The following ZBTB7C variants were observed in gnomAD, a reference collection of about 807,000 sequenced individuals.
ZBTB7C encodes the protein zinc finger and BTB domain-containing protein 7C.
In ZBTB7C, 8 loss-of-function variants were observed where a neutral mutation model predicts 25.7. That is an observed-to-expected ratio of 0.31 (90% confidence interval 0.18 to 0.56). ZBTB7C has a LOEUF of 0.56. ZBTB7C is among the 20% of genes least tolerant of loss of function. The pLI is 0.91. For synonymous variants in ZBTB7C, 394 were observed against 369.0 expected (o/e 1.07, Z -0.78); for missense variants, 824 against 855.2 (o/e 0.96, Z 0.46).
intron 1 of ZBTB7C, among the ~76,000 whole-genome samples, chr18:48,348,403 A>G (rs1380338571): frequency 6.6e-6 from 1 of 152,222 alleles, no homozygotes; most frequent in African/African-American, 2.4e-5. Context: ...CACCTACCTC[A>G]TTCCAAAGTG....
intron 2 of ZBTB7C, among the ~76,000 whole-genome samples, chr18:48,229,703 A>G (rs17744291): frequency 0.063 from 9,648 of 152,300 alleles, 396 homozygotes; most frequent in South Asian, 0.17. Flanking sequence ...AAATTGAGGA[A>G]TAATCAGCTC....
chr18:48,084,026 A>G (rs2038089594), intron 3 of ZBTB7C, among the ~76,000 whole-genome samples: 1 of 152,196 alleles, frequency 6.6e-6, no homozygotes, highest in African/African-American at 2.4e-5. Flanking sequence ...CACCGAAGGA[A>G]ACTACCAGAA....
chr18:48,200,281 C>T (rs1319855223), intron 2 of ZBTB7C, among the ~76,000 whole-genome samples: 1 of 152,104 alleles, frequency 6.6e-6, no homozygotes, highest in Non-Finnish European at 1.5e-5. Context: ...CTTTCAGGTT[C>T]ATATGTCAGA....
intron 2 of ZBTB7C, among the ~76,000 whole-genome samples, chr18:48,293,821 T>C (rs961241688): frequency 1.3e-5 from 2 of 152,002 alleles, no homozygotes; most frequent in East Asian, 1.9e-4. Context: ...TCTTGCTATA[T>C]TGGCCAGGCT....
At chr18:48,187,035 G>C (rs1425329364) in intron 2 of ZBTB7C, among the ~76,000 whole-genome samples, 1 of 152,194 alleles carries the variant, frequency 6.6e-6, no homozygotes, top group African/African-American at 2.4e-5. Context: ...GGGTGGGTGC[G>C]AGAGGCCAGC....
chr18:48,367,337 TATATGTGTGC>T (rs2047263859), intron 1 of ZBTB7C, among the ~76,000 whole-genome samples: 1 of 86,490 alleles, frequency 1.2e-5, no homozygotes, highest in African/African-American at 4.3e-5. Flanking sequence ...TATATATACA[TATATGTGTGC>T]ATATATATAT....
chr18:48,336,692 C>T (rs1370877394), intron 2 of ZBTB7C, among the ~76,000 whole-genome samples: 2 of 152,138 alleles, frequency 1.3e-5, no homozygotes, highest in African/African-American at 2.4e-5. Context: ...GGCATGTTGC[C>T]CGTTAGCCTC....
intron 2 of ZBTB7C, among the ~76,000 whole-genome samples, chr18:48,270,375 G>A (rs548212444): frequency 6.7e-6 from 1 of 150,318 alleles, no homozygotes; most frequent in African/African-American, 2.4e-5. Flanking sequence ...GGGACTAAAG[G>A]CGTGTGCCAC....
intron 3 of ZBTB7C, among the ~76,000 whole-genome samples, chr18:48,175,193 A>G (rs1372813266): frequency 6.6e-6 from 1 of 152,230 alleles, no homozygotes; most frequent in Non-Finnish European, 1.5e-5. Flanking sequence ...AACCACACTG[A>G]AGGACAGAAA....
chr18:48,059,883 G>A (rs764500105), intron 3 of ZBTB7C, among the ~76,000 whole-genome samples: 7 of 151,976 alleles, frequency 4.6e-5, no homozygotes, highest in Non-Finnish European at 1.0e-4. Context: ...CCCCCCACCC[G>A]CCCAGGCAGC....
chr18:48,266,121 G>A (rs2044305760), intron 2 of ZBTB7C, among the ~76,000 whole-genome samples: 1 of 152,184 alleles, frequency 6.6e-6, no homozygotes, highest in Non-Finnish European at 1.5e-5. Context: ...TTTTCTGTAA[G>A]TTTGAGATTG....
intron 2 of ZBTB7C, among the ~76,000 whole-genome samples, chr18:48,197,415 A>G (rs1599082810): frequency 6.6e-6 from 1 of 152,252 alleles, no homozygotes; most frequent in East Asian, 1.9e-4. Context: ...CCCCTGCTCC[A>G]GCCCTCTCCA....
At chr18:48,255,554 AAT>A (rs2043996565) in intron 2 of ZBTB7C, among the ~76,000 whole-genome samples, 1 of 152,202 alleles carries the variant, frequency 6.6e-6, no homozygotes, top group South Asian at 2.1e-4. Flanking sequence ...AGAGAGATAT[AAT>A]AGTCAAATCT....
intron 3 of ZBTB7C, among the ~76,000 whole-genome samples, chr18:48,176,567 G>A (rs1052761932): frequency 6.6e-6 from 1 of 152,026 alleles, no homozygotes; most frequent in Non-Finnish European, 1.5e-5. Context: ...GGAAACACAT[G>A]CTGAAGTATG....
At chr18:48,135,245 T>C (rs2040111703) in intron 3 of ZBTB7C, among the ~76,000 whole-genome samples, 1 of 152,074 alleles carries the variant, frequency 6.6e-6, no homozygotes, top group African/African-American at 2.4e-5. Flanking sequence ...AACAATACAA[T>C]AGCGTTGAAT....
In ZBTB7C at chr18:48,230,756, A is replaced by G. The variant is rs145040325; in HGVS notation, c.-78-44761T>C. 4.7e-3 allele frequency among the ~76,000 whole-genome samples: 716 copies of G among 152,302 alleles called. 4 individuals are homozygous for G. Among genetic ancestry groups the G allele is most frequent in the Admixed American group, 7.1e-3 (108 of 15,298 alleles). On this transcript the variant is annotated intron_variant, in intron 2 of 4. Transcript: ENST00000590800. ...CAGCAGCATGGCGCCATAGAGGAAG[A>G]GTTAACAAACACTGCTAGGGGAAGG...
intron 3 of ZBTB7C, among the ~76,000 whole-genome samples, chr18:48,049,691 G>A (rs1344955141): frequency 6.6e-6 from 1 of 152,210 alleles, no homozygotes; most frequent in East Asian, 1.9e-4. Context: ...GAGAGGCTAA[G>A]TGACCTGCTC....
chr18:48,375,130 T>C (rs1409880213), intron 1 of ZBTB7C, among the ~76,000 whole-genome samples: 1 of 152,224 alleles, frequency 6.6e-6, no homozygotes, highest in Non-Finnish European at 1.5e-5. Flanking sequence ...AATTTCCTCT[T>C]CTGTTTTGCT....
intron 3 of ZBTB7C, among the ~76,000 whole-genome samples, chr18:48,111,223 A>G (rs1444647966): frequency 6.6e-6 from 1 of 152,054 alleles, no homozygotes; most frequent in African/African-American, 2.4e-5. Flanking sequence ...AGCTCCTCTT[A>G]TGGACCCTAG....
Sources: gnomAD v4.1 joint callset for allele counts (sites outside exome capture counted in the v4.1 genomes callset) on GRCh38, gnomAD v4.1.1 for gene constraint, MANE v1.5 for transcripts, NCBI Gene and HGNC (gene_info 2026-07-23, HGNC 2026-07-21) for gene names.